The following NEK11 variants were observed in gnomAD, a reference collection of about 807,000 sequenced individuals.
NEK11 encodes serine/threonine-protein kinase Nek11.
In NEK11, 72 loss-of-function variants were observed where a neutral mutation model predicts 80.7. That is an observed-to-expected ratio of 0.89 (90% confidence interval 0.74 to 1.08). NEK11 has a LOEUF of 1.08. NEK11 is among the 50% of genes least tolerant of loss of function. The pLI, the probability that NEK11 is intolerant of heterozygous loss-of-function variation, is 0.00. For missense variants in NEK11, 764 were observed against 763.6 expected, an observed-to-expected ratio of 1.00 and a Z score of -0.01; for synonymous variants, 251 against 260.7, an observed-to-expected ratio of 0.96 and a Z score of 0.36.
intron 15 of NEK11, among the ~76,000 whole-genome samples, chr3:131,239,043 C>T (rs1580707965): frequency 6.6e-6 from 1 of 152,054 alleles, no homozygotes; most frequent in East Asian, 1.9e-4. Flanking sequence ...AGGCCACTTC[C>T]TGGCTGCTTG....
At chr3:131,179,929 G>A (rs1245665987) in intron 14 of NEK11, among the ~76,000 whole-genome samples, 4 of 152,062 alleles carry the variant, frequency 2.6e-5, no homozygotes, top group African/African-American at 9.7e-5. Context: ...GGCTACACTT[G>A]CTGCTGTAAC....
intron 17 of NEK11, 28 bp from the exon 18 acceptor site, chr3:131,349,527 CTT>C: frequency 1.9e-6 from 3 of 1,575,398 alleles, no homozygotes; most frequent in African/African-American, 1.3e-5. Context: ...ATGTGTAACT[CTT>C]TGTAATCTTT....
At chr3:131,334,656 T>C (rs2097151374) in intron 17 of NEK11, among the ~76,000 whole-genome samples, 1 of 151,572 alleles carries the variant, frequency 6.6e-6, no homozygotes. Context: ...AAAAAACCCT[T>C]CAAAAAATTA....
At chr3:131,141,584 T>A (rs2149695904) in intron 7 of NEK11, among the ~76,000 whole-genome samples, 1 of 152,332 alleles carries the variant, frequency 6.6e-6, no homozygotes, top group African/African-American at 2.4e-5. Flanking sequence ...AAGGTGTTTA[T>A]TTAATGCCAA....
chr3:131,269,113 T>TC (rs1020885516), intron 16 of NEK11, among the ~76,000 whole-genome samples: 6 of 152,102 alleles, frequency 3.9e-5, no homozygotes, highest in African/African-American at 1.4e-4. Flanking sequence ...CAGATGCCCC[T>TC]CCCCCCACCA....
chr3:131,236,233 A>C (rs2095428157), intron 15 of NEK11, among the ~76,000 whole-genome samples: 1 of 152,156 alleles, frequency 6.6e-6, no homozygotes, highest in Non-Finnish European at 1.5e-5. Flanking sequence ...GGAAGGATTG[A>C]TTAGAGGTAG....
chr3:131,223,715 A>AC, intron 14 of NEK11, among the ~76,000 whole-genome samples: 1 of 152,110 alleles, frequency 6.6e-6, no homozygotes, highest in Admixed American at 6.5e-5. Context: ...ATATTTGTCA[A>AC]CCCCCCTTGC....
intron 17 of NEK11, among the ~76,000 whole-genome samples, chr3:131,341,520 A>G (rs182353577): frequency 4.5e-4 from 69 of 152,292 alleles, no homozygotes; most frequent in Non-Finnish European, 5.3e-4. Context: ...TATTAAGTTC[A>G]GCTTATTAAG....
intron 5 of NEK11, among the ~76,000 whole-genome samples, chr3:131,121,580 A>C (rs1014878595): frequency 6.6e-6 from 1 of 152,148 alleles, no homozygotes; most frequent in East Asian, 1.9e-4. Flanking sequence ...CCCTGCCCCC[A>C]GTGGTGGAGT....
intron 17 of NEK11, among the ~76,000 whole-genome samples, chr3:131,320,807 T>G (rs2096889601): frequency 6.6e-6 from 1 of 152,010 alleles, no homozygotes; most frequent in South Asian, 2.1e-4. Context: ...AGGTGAAATA[T>G]CTCTACAGAG....
At chr3:131,328,597 A>G (rs2097017113) in intron 17 of NEK11, 1 of 152,204 alleles carries the variant, frequency 6.6e-6, no homozygotes, top group African/African-American at 2.4e-5. Flanking sequence ...TGCAAGGTAA[A>G]TAAGCTGCAG....
At chr3:131,331,413 T>C (rs1455776824) in intron 17 of NEK11, among the ~76,000 whole-genome samples, 3 of 152,212 alleles carry the variant, frequency 2.0e-5, no homozygotes, top group Non-Finnish European at 4.4e-5. Context: ...CGGGTATCCA[T>C]TAAACCATTA....
chr3:131,333,716 G>T (rs1333693993), intron 17 of NEK11, among the ~76,000 whole-genome samples: 2 of 152,146 alleles, frequency 1.3e-5, no homozygotes, highest in Non-Finnish European at 2.9e-5. Flanking sequence ...CTGTATTCAG[G>T]AAACCCATCT....
chr3:131,154,503 G>A (rs1054494518), intron 9 of NEK11, among the ~76,000 whole-genome samples: 1 of 152,196 alleles, frequency 6.6e-6, no homozygotes, highest in Non-Finnish European at 1.5e-5. Flanking sequence ...GGTAAGTGAG[G>A]TGGAATTGTG....
At position 131,216,228 on chromosome 3, in the gene NEK11, G is replaced by A. The variant is rs1049006429; in HGVS notation, c.1400-12300G>A. Among the ~76,000 whole-genome samples, 6 of 152,178 alleles carry A rather than the reference G, an allele frequency of 3.9e-5. No individual in the cohort carries two copies. In the South Asian group the frequency reaches 1.0e-3, roughly 26 times the overall value. On this transcript the variant is annotated intron_variant, in intron 14 of 17. Transcript: ENST00000383366. ...ATCTGGAAAGCATCAGAAAAATAAA[G>A]CTTCCTAGACCCAGACCAGGACAGC...
chr3:131,233,204 A>G (rs1348684675), intron 15 of NEK11, among the ~76,000 whole-genome samples: 1 of 152,112 alleles, frequency 6.6e-6, no homozygotes, highest in Non-Finnish European at 1.5e-5. Flanking sequence ...GGCCCTGTCA[A>G]GAGGGAGCGC....
intron 14 of NEK11, among the ~76,000 whole-genome samples, chr3:131,189,421 T>C (rs1363352618): frequency 6.6e-6 from 1 of 152,202 alleles, no homozygotes; most frequent in Non-Finnish European, 1.5e-5. Flanking sequence ...CATTGGCAGA[T>C]TCAGTGTCTG....
intron 3 of NEK11, among the ~76,000 whole-genome samples, chr3:131,065,822 T>G (rs892325752): frequency 6.6e-6 from 1 of 152,238 alleles, no homozygotes; most frequent in African/African-American, 2.4e-5. Context: ...TGCCTATTGA[T>G]TATGCTGTCT....
At chr3:131,247,346 A>G (rs1176435030) in intron 16 of NEK11, among the ~76,000 whole-genome samples, 1 of 152,088 alleles carries the variant, frequency 6.6e-6, no homozygotes, top group African/African-American at 2.4e-5. Context: ...TGACTTGCCA[A>G]TTATCCCAGC....
Sources: allele counts gnomAD v4.1 joint callset (sites outside exome capture counted in the v4.1 genomes callset), GRCh38; gene constraint gnomAD v4.1.1; transcripts MANE v1.5; gene names NCBI Gene and HGNC (gene_info 2026-07-23, HGNC 2026-07-21).